The following GSK3B variants were observed in gnomAD, a reference collection of about 807,000 sequenced individuals.
GSK3B encodes the protein glycogen synthase kinase-3 beta.
GSK3B carries 15 observed loss-of-function variants against 56.4 expected under a neutral mutation model. The observed-to-expected ratio is 0.27, with a 90% confidence interval of 0.18 to 0.41. GSK3B has a LOEUF of 0.41. Among genes scored for constraint, GSK3B ranks in the 10% least tolerant of loss-of-function variants. GSK3B has a pLI of 1.00. For missense variants in GSK3B, 300 were observed against 513.4 expected (o/e 0.58, Z 4.02); for synonymous variants, 181 against 188.9 (o/e 0.96, Z 0.34).
At position 120,018,716 on chromosome 3, in the gene GSK3B, T is replaced by C. The variant is rs527939118; in HGVS notation, c.89-16477A>G. Among the ~76,000 whole-genome samples, 7 of 152,296 alleles carry C rather than the reference T, an allele frequency of 4.6e-5. No individual in the cohort carries two copies. The East Asian group carries it at 1.3e-3, about 29-fold the overall frequency. On this transcript the variant is annotated intron_variant, in intron 1 of 10. Coordinates refer to ENST00000264235, the MANE Select transcript of GSK3B (RefSeq NM_001146156.2). ...CATTTTGAGTAAGAGTCTTTACATCTTCTAATATAAACTGCAAAAATACCT... is the reference window on the plus strand; with the variant it reads ...CATTTTGAGTAAGAGTCTTTACATCCTCTAATATAAACTGCAAAAATACCT...
chr3:119,854,788 C>T (rs960320000), intron 9 of GSK3B, among the ~76,000 whole-genome samples: 3 of 151,948 alleles, frequency 2.0e-5, no homozygotes, highest in African/African-American at 4.8e-5. Context: ...TTTTTTATTG[C>T]GTCTATTCGA....
chr3:119,831,672 T>A lies in GSK3B; in HGVS notation c.1196-4817A>T, dbSNP rs74715900. On this transcript the variant is annotated intron_variant, in intron 10 of 10. Transcript: ENST00000264235. ...ACTCCGTCTCAAAAAAAAAAAAAAA[T>A]AAGAGAAGAGTGAGTTTATGATAAG... Among the ~76,000 whole-genome samples, 957 of 147,220 alleles carry A rather than the reference T, an allele frequency of 6.5e-3. 13 individuals carry two copies. The highest frequency in any genetic ancestry group is 0.021 in the African/African-American group (818 of 39,252).
intron 1 of GSK3B, among the ~76,000 whole-genome samples, chr3:120,020,466 AT>A (rs2057867144): frequency 6.6e-6 from 1 of 152,146 alleles, no homozygotes; most frequent in Admixed American, 6.5e-5. Flanking sequence ...TCTGTGTCAC[AT>A]TTTGGTAATT....
At chr3:119,976,579 A>C (rs1275325986) in intron 2 of GSK3B, among the ~76,000 whole-genome samples, 4 of 152,134 alleles carry the variant, frequency 2.6e-5, no homozygotes, top group African/African-American at 9.7e-5. Flanking sequence ...GTGACTGCTA[A>C]TGGGTACACA....
At chr3:120,001,961 G>A in intron 2 of GSK3B, 85 bp downstream of exon 2, 1 of 866,702 alleles carries the variant, frequency 1.2e-6, no homozygotes, top group Non-Finnish European at 1.7e-6. Flanking sequence ...GAAATTTGAA[G>A]CAAAAAGAAG....
In GSK3B at chr3:120,049,834, C is replaced by T. The variant is rs138041188; in HGVS notation, c.88+43513G>A. On this transcript the variant is annotated intron_variant, in intron 1 of 10. Coordinates refer to ENST00000264235, the MANE Select transcript of GSK3B (RefSeq NM_001146156.2). ...TCGGGCTTTGCAAGCCATACAGTCT[C>T]GGTCACAACTACAAAATTCTGCCTT... Among the ~76,000 whole-genome samples, 515 of 152,256 alleles carry T rather than the reference C, an allele frequency of 3.4e-3. 4 individuals are homozygous for T. The highest frequency in any genetic ancestry group is 0.012 in the African/African-American group (487 of 41,542).
intron 8 of GSK3B, among the ~76,000 whole-genome samples, chr3:119,873,903 C>A (rs1444539702): frequency 6.6e-6 from 1 of 151,974 alleles, no homozygotes; most frequent in Non-Finnish European, 1.5e-5. Context: ...GGTTCACAGT[C>A]CTTTTAATAG....
chr3:119,878,784 T>C (rs184223529), intron 7 of GSK3B, among the ~76,000 whole-genome samples: 31 of 152,130 alleles, frequency 2.0e-4, no homozygotes, highest in African/African-American at 7.5e-4. Flanking sequence ...AAGAACAACA[T>C]GGATGAATCT....
At chr3:120,046,609 ATTTAT>A (rs1484524058) in intron 1 of GSK3B, among the ~76,000 whole-genome samples, 1 of 151,944 alleles carries the variant, frequency 6.6e-6, no homozygotes, top group Non-Finnish European at 1.5e-5. Context: ...ATTTAATTTT[ATTTAT>A]TTATTTATTT....
At chr3:119,892,328 G>T (rs1281150219) in intron 7 of GSK3B, among the ~76,000 whole-genome samples, 1 of 152,136 alleles carries the variant, frequency 6.6e-6, no homozygotes, top group African/African-American at 2.4e-5. Context: ...CCACCAGGCA[G>T]AACCTTAAGC....
rs773458587 is a variant in GSK3B, at chr3:119,823,817, G to C, written c.*2971C>G. ...ATCACTGAAACTTAACTGTGGAAGG[G>C]GCAAAGATACTGTTATGAGTGAGTT... On this transcript the variant is annotated 3_prime_UTR_variant, in exon 11 of 11. Coordinates refer to ENST00000264235, the MANE Select transcript of GSK3B (RefSeq NM_001146156.2). 2 of 200,840 alleles carry C rather than the reference G, an allele frequency of 1.0e-5. No individual in the cohort carries two copies. Among genetic ancestry groups the C allele is most frequent in the Admixed American group, 6.0e-5 (1 of 16,644 alleles). 12.4% of individuals were successfully genotyped at this position (200,840 alleles called of 1,614,324 possible).
Position 120,093,388 on chromosome 3 carries a change from G to A in GSK3B, c.47C>T (p.Pro16Leu), listed in dbSNP as rs2058531140. Reference protein sequence around the residue: ...RTTSFAESCKPVQQPSAFGSM... With the variant: ...RTTSFAESCKLVQQPSAFGSM... The stretch of plus-strand genomic sequence containing the variant: ...GCCAAAAGCTGAAGGCTGCTGCACC[G>A]GCTTGCAGCTCTCCGCAAAGGAGGT... The change falls in exon 1 of 11, where the codon CCG becomes CTG. Residue 16 changes from proline (P) to leucine (L), a missense_variant. Pro to Leu is a moderately conservative substitution (Grantham distance 98, BLOSUM62 -3). This residue lies in a region of GSK3B where 53 missense variants were observed against 64.6 expected (regional missense o/e 0.82). Transcript: ENST00000264235. The A allele has an allele frequency of 1.2e-5, 19 of 1,613,526 alleles. No individual in the cohort carries two copies. The highest frequency in any genetic ancestry group is 1.7e-5 in the Admixed American group (1 of 60,004).
chr3:120,047,979 C>T (rs1026272577), intron 1 of GSK3B, among the ~76,000 whole-genome samples: 5 of 152,204 alleles, frequency 3.3e-5, no homozygotes, highest in Admixed American at 6.5e-5. Context: ...AATATCAATG[C>T]TGTCCAGCTC....
At chr3:119,904,799 C>T (rs1417570336) in intron 7 of GSK3B, among the ~76,000 whole-genome samples, 1 of 152,030 alleles carries the variant, frequency 6.6e-6, no homozygotes, top group Non-Finnish European at 1.5e-5. Flanking sequence ...TTTTATTGTA[C>T]ATTGGACAAC....
intron 10 of GSK3B, among the ~76,000 whole-genome samples, chr3:119,837,138 A>G (rs1423040172): frequency 6.6e-6 from 1 of 152,124 alleles, no homozygotes; most frequent in Admixed American, 6.5e-5. Context: ...AATAAATTTC[A>G]GGGTGAAAAA....
At chr3:120,031,542 A>G (rs754471515) in intron 1 of GSK3B, among the ~76,000 whole-genome samples, 6 of 152,126 alleles carry the variant, frequency 3.9e-5, no homozygotes, top group African/African-American at 7.2e-5. Context: ...CCCATGGCCC[A>G]CCTCACGTAT....
At chr3:120,008,928 T>C (rs2057753524) in intron 1 of GSK3B, among the ~76,000 whole-genome samples, 1 of 152,158 alleles carries the variant, frequency 6.6e-6, no homozygotes, top group Admixed American at 6.6e-5. Flanking sequence ...TTTTGCAATC[T>C]ATCCATCTGA....
intron 1 of GSK3B, among the ~76,000 whole-genome samples, chr3:120,026,783 C>T (rs2057931492): frequency 6.6e-6 from 1 of 151,822 alleles, no homozygotes; most frequent in African/African-American, 2.4e-5. Context: ...GTCTTGAACT[C>T]CTGACCTCGA....
At chr3:119,884,654 C>A (rs557838196) in intron 7 of GSK3B, among the ~76,000 whole-genome samples, 1 of 150,812 alleles carries the variant, frequency 6.6e-6, no homozygotes, top group Non-Finnish European at 1.5e-5. Context: ...AGAGTTTTTA[C>A]AAAATAACAT....
Sources: allele counts gnomAD v4.1 joint callset (sites outside exome capture counted in the v4.1 genomes callset), GRCh38; gene constraint gnomAD v4.1.1; regional missense constraint gnomAD v4.1.1; transcripts MANE v1.5; gene names NCBI Gene and HGNC (gene_info 2026-07-23, HGNC 2026-07-21).